Variants in IL20RB observed in about 807,000 individuals in gnomAD.
IL20RB encodes interleukin 20 receptor subunit beta.
A neutral mutation model predicts 33.3 loss-of-function variants in IL20RB; 21 were observed. That is an observed-to-expected ratio of 0.63 (90% confidence interval 0.45 to 0.91). The LOEUF (loss-of-function observed/expected upper bound fraction) is 0.91. IL20RB is among the 40% of genes least tolerant of loss of function. IL20RB has a pLI of 0.00. For synonymous variants in IL20RB, 147 were observed against 146.8 expected (o/e 1.00, Z -0.01); for missense variants, 345 against 384.8 (o/e 0.90, Z 0.86).
At chr3:136,983,484 G>C (rs1161479205) in intron 3 of IL20RB, among the ~76,000 whole-genome samples, 1 of 152,218 alleles carries the variant, frequency 6.6e-6, no homozygotes, top group African/African-American at 2.4e-5. Flanking sequence ...TGAGGAGGGG[G>C]TTGTAATACT....
At position 136,982,129 on chromosome 3, in the gene IL20RB, G is replaced by T. The variant is rs1401887305; in HGVS notation, c.216-31G>T. On this transcript the variant is annotated intron_variant, in intron 2 of 6. Transcript: ENST00000329582. ...AACTGAGCCTGTGTCAGAGGGGCTG[G>T]TGTAACTCTGTGCCCTCCTCTCTTT... The T allele has an allele frequency of 3.3e-6, 5 of 1,494,000 alleles. No homozygotes were observed. In the African/African-American group the frequency reaches 5.5e-5, roughly 17 times the overall value. The allele number at this position is 1,494,000 out of a possible 1,614,324, so 92.5% of individuals were successfully genotyped here. A position where few individuals can be genotyped will look rare whatever the true frequency, so the allele number is the denominator to read the frequency against.
rs72978790 is a variant in IL20RB at position 136,993,688 on chromosome 3, G to A, written c.682+1600G>A. Among the ~76,000 whole-genome samples the A allele has an allele frequency of 7.4e-3, 1,126 of 151,704 alleles. 13 individuals are homozygous for A. The highest frequency in any genetic ancestry group is 0.025 in the African/African-American group (1,037 of 41,338). ...ATGCAGTGTATGGTTTTCTGTTCTC[G>A]CGATAGTTTGCTCAGAATGATGGTT... On this transcript the variant is annotated intron_variant, in intron 5 of 6. Coordinates refer to ENST00000329582, the MANE Select transcript of IL20RB (RefSeq NM_144717.4).
rs1306448005 is a variant in IL20RB at position 136,964,380 on chromosome 3, G to A, written c.88+6179G>A. 2.9e-5 allele frequency among the ~76,000 whole-genome samples: 3 copies of A among 104,972 alleles called. 1 individual carries two copies. The highest frequency in any genetic ancestry group is 5.7e-5 in the Non-Finnish European group (3 of 52,260). The allele number at this position is 104,972 out of a possible 152,430, so 68.9% of individuals were successfully genotyped here. On this transcript the variant is annotated intron_variant, in intron 1 of 6. Coordinates refer to ENST00000329582, the MANE Select transcript of IL20RB (RefSeq NM_144717.4). Reference sequence around the variant, plus strand: ...GTTGTTTCCTGACTTTTTAATGATTGCCGTTCTAACTGGTGTGAGATGATA... The same window carrying A: ...GTTGTTTCCTGACTTTTTAATGATTACCGTTCTAACTGGTGTGAGATGATA...
In IL20RB at chr3:136,989,505, G is replaced by A; in HGVS notation, c.471G>A (p.Glu157=). 6.2e-7 allele frequency: 1 copy of A among 1,614,100 alleles called. No individual in the cohort carries two copies. The change falls in exon 4 of 7, where the codon GAG becomes GAA. Residue 157 remains glutamate (E), a synonymous_variant. Transcript: ENST00000329582. ...KDGFHLVIEL[E]DLGPQFEFLV... ...GCTTCCACCTGGTTATTGAGCTGGA[G>A]GACCTGGGGCCCCAGTTTGAGTTCC...
intron 6 of IL20RB, among the ~76,000 whole-genome samples, chr3:137,007,771 A>C (rs1168842580): frequency 6.6e-6 from 1 of 152,116 alleles, no homozygotes; most frequent in Non-Finnish European, 1.5e-5. Context: ...GCCCTGCTTC[A>C]GCTCGCCCTC....
chr3:136,958,654 C>G (rs12054218), intron 1 of IL20RB, among the ~76,000 whole-genome samples: 70,034 of 151,922 alleles, frequency 0.46, 16,625 homozygotes, highest in East Asian at 0.7. Context: ...TTGGATTTCT[C>G]TACTGGTCAT....
chr3:136,978,798 A>G (rs1351146655), intron 1 of IL20RB, among the ~76,000 whole-genome samples: 1 of 152,198 alleles, frequency 6.6e-6, no homozygotes, highest in East Asian at 1.9e-4. Flanking sequence ...AGTAAGCTGG[A>G]AACTGTTCTT....
At chr3:136,990,077 A>G (rs1010797761) in intron 4 of IL20RB, among the ~76,000 whole-genome samples, 2 of 151,990 alleles carry the variant, frequency 1.3e-5, no homozygotes, top group African/African-American at 4.8e-5. Context: ...CAGAATGCTC[A>G]GGTGGGGTGC....
chr3:136,972,289 C>G (rs1941505476), intron 1 of IL20RB, among the ~76,000 whole-genome samples: 1 of 152,182 alleles, frequency 6.6e-6, no homozygotes. Context: ...TGTCTCTTCA[C>G]TCAGCTGATT....
intron 3 of IL20RB, among the ~76,000 whole-genome samples, chr3:136,985,191 T>C (rs781755649): frequency 1.3e-5 from 2 of 152,000 alleles, no homozygotes; most frequent in Non-Finnish European, 2.9e-5. Flanking sequence ...TCCAAGCAAA[T>C]AGGCTGGGAT....
intron 3 of IL20RB, among the ~76,000 whole-genome samples, chr3:136,987,412 G>T (rs985072093): frequency 6.6e-6 from 1 of 152,206 alleles, no homozygotes; most frequent in Non-Finnish European, 1.5e-5. Flanking sequence ...GCTGATTGGT[G>T]TGTTTACAAA....
intron 6 of IL20RB, among the ~76,000 whole-genome samples, chr3:137,000,817 C>T (rs1483923241): frequency 6.6e-6 from 1 of 152,206 alleles, no homozygotes; most frequent in Non-Finnish European, 1.5e-5. Flanking sequence ...TCTCTCTGAA[C>T]TCTGCTGCCC....
intron 3 of IL20RB, among the ~76,000 whole-genome samples, chr3:136,984,773 A>C (rs1177209852): frequency 2.0e-5 from 3 of 152,096 alleles, no homozygotes; most frequent in Non-Finnish European, 4.4e-5. Context: ...AATGGAATGG[A>C]ATGGAATGAC....
intron 6 of IL20RB, among the ~76,000 whole-genome samples, chr3:136,999,703 T>C (rs1287188600): frequency 2.6e-5 from 4 of 152,176 alleles, no homozygotes; most frequent in Non-Finnish European, 5.9e-5. Context: ...ATTCTTCAGA[T>C]TGAATAATTT....
At chr3:136,997,896 G>A (rs1325495514) in intron 6 of IL20RB, among the ~76,000 whole-genome samples, 2 of 151,594 alleles carry the variant, frequency 1.3e-5, no homozygotes, top group African/African-American at 4.8e-5. Flanking sequence ...TCAGCCTCCT[G>A]AGTAGCTGGG....
At chr3:136,986,251 AT>A (rs1941896090) in intron 3 of IL20RB, among the ~76,000 whole-genome samples, 3 of 55,998 alleles carry the variant, frequency 5.4e-5, no homozygotes, top group Non-Finnish European at 1.2e-4. Flanking sequence ...AAATAAATAA[AT>A]AAATAAAAAT....
chr3:136,991,677 C>T (rs1682337), intron 4 of IL20RB, among the ~76,000 whole-genome samples: 67,471 of 152,050 alleles, frequency 0.44, 15,393 homozygotes, highest in East Asian at 0.69. Context: ...GGCACGATCT[C>T]GGATCACTGC....
At chr3:137,008,428 G>A (rs1317624359) in intron 6 of IL20RB, among the ~76,000 whole-genome samples, 1 of 152,206 alleles carries the variant, frequency 6.6e-6, no homozygotes, top group East Asian at 1.9e-4. Context: ...AGATCTCCAA[G>A]TTTTAAATGA....
At chr3:137,004,919 C>T (rs1942322482) in intron 6 of IL20RB, among the ~76,000 whole-genome samples, 1 of 152,088 alleles carries the variant, frequency 6.6e-6, no homozygotes, top group South Asian at 2.1e-4. Context: ...TATAAATTTC[C>T]CTCTGCACAC....
Sources: gnomAD v4.1 joint callset for allele counts (sites outside exome capture counted in the v4.1 genomes callset) on GRCh38, gnomAD v4.1.1 for gene constraint, MANE v1.5 for transcripts, NCBI Gene and HGNC (gene_info 2026-07-23, HGNC 2026-07-21) for gene names.